Variants in ZFHX3 observed in about 807,000 individuals in gnomAD.
ZFHX3 encodes the protein zinc finger homeobox 3, also known as zinc finger homeobox protein 3.
Under a neutral mutation model 279.1 loss-of-function variants are expected in ZFHX3, and 42 were observed. The ratio of observed to expected loss-of-function variants is 0.15; its 90% confidence interval spans 0.12 to 0.19. The LOEUF is 0.19. ZFHX3 is among the 10% of genes least tolerant of loss of function. The probability of loss-of-function intolerance (pLI) is 1.00; values close to 1 mark genes in which losing one functional copy is unlikely to be tolerated. For missense variants in ZFHX3, 4,981 were observed against 4,754.0 expected, an observed-to-expected ratio of 1.05 and a Z score of -1.40; for synonymous variants, 2,293 against 1,957.8, an observed-to-expected ratio of 1.17 and a Z score of -4.52.
At chr16:73,175,381 A>AAAACAAACAAAC (rs111246395) in intron 5 of ZFHX3, among the ~76,000 whole-genome samples, 1 of 150,526 alleles carries the variant, frequency 6.6e-6, no homozygotes, top group African/African-American at 2.5e-5. Context: ...CTATGTCTCC[A>AAAACAAACAAAC]AAACAAACAA....
chr16:72,965,582 AGAATC>A lies in ZFHX3; in HGVS notation c.-49-5393_-49-5389del, dbSNP rs1416790605. On this transcript the variant is annotated intron_variant, in intron 1 of 9. Coordinates refer to ENST00000268489, the MANE Select transcript of ZFHX3 (RefSeq NM_006885.4). ...GTACTATGTGTCAGTCAGATGCTAC[AGAATC>A]CATGCTAAAAGGTCTCGGCTTACAT... is the stretch of plus-strand genomic sequence containing the variant. Among the ~76,000 whole-genome samples the A allele has an allele frequency of 2.6e-5, 4 of 152,352 alleles. No individual in the cohort carries two copies. In the East Asian group the frequency reaches 7.7e-4, roughly 29 times the overall value.
intron 1 of ZFHX3, among the ~76,000 whole-genome samples, chr16:72,982,963 T>C (rs1233129964): frequency 1.3e-5 from 2 of 152,088 alleles, no homozygotes; most frequent in African/African-American, 4.8e-5. Context: ...TTAGGACCAG[T>C]GGGGGTAACG....
intron 1 of ZFHX3, among the ~76,000 whole-genome samples, chr16:73,728,134 G>C (rs2053537721): frequency 6.7e-6 from 1 of 149,468 alleles, no homozygotes; most frequent in African/African-American, 2.5e-5. Flanking sequence ...AGGTCCTTAG[G>C]ATGGACTTAA....
chr16:73,242,118 A>G (rs1452546301), intron 5 of ZFHX3, among the ~76,000 whole-genome samples: 1 of 152,208 alleles, frequency 6.6e-6, no homozygotes, highest in Non-Finnish European at 1.5e-5. Flanking sequence ...GGGCATATTC[A>G]TGGAGATACG....
chr16:73,106,582 A>G (rs1250651875), intron 7 of ZFHX3, among the ~76,000 whole-genome samples: 2 of 152,162 alleles, frequency 1.3e-5, no homozygotes, highest in Non-Finnish European at 2.9e-5. Flanking sequence ...TGACATTTGC[A>G]GCTAGTTTCA....
At position 73,315,827 on chromosome 16, in the gene ZFHX3, C is replaced by A. The variant is rs975647073; in HGVS notation, c.-1194+2413G>T. Among the ~76,000 whole-genome samples the A allele has an allele frequency of 2.6e-5, 4 of 152,312 alleles. No homozygotes were observed. The South Asian group carries it at 8.3e-4, about 32-fold the overall frequency. ...AGGGTGTCATTGCCCACTCACTTCCCGTTTTCAGTTATGTGTAAGAGAAGC... is the reference window on the plus strand; with the variant it reads ...AGGGTGTCATTGCCCACTCACTTCCAGTTTTCAGTTATGTGTAAGAGAAGC... On this transcript the variant is annotated intron_variant, in intron 4 of 17. Transcript: ENST00000641206.
chr16:72,983,440 C>T (rs962963026), intron 1 of ZFHX3, among the ~76,000 whole-genome samples: 1 of 152,214 alleles, frequency 6.6e-6, no homozygotes, highest in African/African-American at 2.4e-5. Context: ...GGTGCGATGG[C>T]TCATGTCTGT....
chr16:73,619,369 T>C lies in ZFHX3; in HGVS notation c.-1547+60811A>G, dbSNP rs558433597. On this transcript the variant is annotated intron_variant, in intron 2 of 17. Coordinates refer to the ZFHX3 transcript ENST00000641206. ...CGGGCATGGTGGCGGGCACCTATAG[T>C]CCCAGCTACTCGGGAGGCTGAGGCA... 2.6e-3 allele frequency among the ~76,000 whole-genome samples: 387 copies of C among 151,746 alleles called. 3 individuals are homozygous for C. The highest frequency in any genetic ancestry group is 8.8e-3 in the African/African-American group (365 of 41,318).
At position 72,950,983 on chromosome 16, in the gene ZFHX3, A is replaced by G; in HGVS notation, c.2720-18T>C. 1 of 1,603,262 alleles carries G rather than the reference A, an allele frequency of 6.2e-7. No homozygotes were observed. The highest frequency in any genetic ancestry group is 8.5e-7 in the Non-Finnish European group (1 of 1,172,338). The stretch of plus-strand genomic sequence containing the variant: ...ACCGCCCACTGCAGGGAAGGAGAGA[A>G]GGAGAGAGTCAGACACCAGGCTCAT... On this transcript the variant is annotated intron_variant, in intron 2 of 9. Transcript: ENST00000268489.
intron 1 of ZFHX3, among the ~76,000 whole-genome samples, chr16:73,750,785 C>T (rs1477678448): frequency 1.3e-5 from 2 of 152,116 alleles, no homozygotes; most frequent in Non-Finnish European, 2.9e-5. Flanking sequence ...AGACTCGGAA[C>T]ATTGCAGGCA....
chr16:72,863,537 CAGAG>C (rs374148445), intron 4 of ZFHX3, among the ~76,000 whole-genome samples: 20 of 148,334 alleles, frequency 1.3e-4, no homozygotes, highest in African/African-American at 3.7e-4. Flanking sequence ...CAGAGACAGA[CAGAG>C]AGAGAGAGAG....
chr16:73,539,401 CTT>C (rs1567513502), intron 2 of ZFHX3, among the ~76,000 whole-genome samples: 1 of 93,802 alleles, frequency 1.1e-5, no homozygotes, highest in Non-Finnish European at 2.3e-5. Flanking sequence ...TGCTTCTTCT[CTT>C]TTTTTAAATT....
chr16:73,101,913 CTTTTT>C (rs34658877), intron 7 of ZFHX3, among the ~76,000 whole-genome samples: 4 of 116,542 alleles, frequency 3.4e-5, no homozygotes, highest in Non-Finnish European at 1.7e-5. Flanking sequence ...ATTCTCACCT[CTTTTT>C]TTTTTTTTTT....
At position 72,798,465 on chromosome 16, in the gene ZFHX3, C is replaced by T; in HGVS notation, c.4217G>A (p.Cys1406Tyr). The change falls in exon 9 of 10, where the codon TGT (cysteine) becomes TAT (tyrosine). Residue 1406 changes from cysteine to tyrosine, a missense_variant. Coordinates refer to ENST00000268489, the MANE Select transcript of ZFHX3 (RefSeq NM_006885.4). ...TTCAATGGTCTTGAAGGCCAGGCTA[C>T]ACTGATTACAGCGGTACTTGTACAC... ...RHVYKYRCNQCSLAFKTIEKL... is the reference protein window; with the variant it reads ...RHVYKYRCNQYSLAFKTIEKL... 1 of 1,614,232 alleles carries T rather than the reference C, an allele frequency of 6.2e-7. No individual in the cohort carries two copies.
chr16:73,026,243 C>T (rs1964495892), intron 1 of ZFHX3, among the ~76,000 whole-genome samples: 1 of 143,092 alleles, frequency 7.0e-6, no homozygotes, highest in Non-Finnish European at 1.5e-5. Flanking sequence ...GTGGCAGGCG[C>T]CTGTAATCCC....
At chr16:73,632,481 T>C (rs898346968) in intron 2 of ZFHX3, among the ~76,000 whole-genome samples, 6 of 147,604 alleles carry the variant, frequency 4.1e-5, no homozygotes, top group African/African-American at 1.5e-4. Context: ...AGTCAAGAGA[T>C]TGAGACTTAT....
chr16:73,440,523 A>G (rs1352225302), intron 3 of ZFHX3, among the ~76,000 whole-genome samples: 2 of 152,178 alleles, frequency 1.3e-5, no homozygotes, highest in Non-Finnish European at 2.9e-5. Context: ...AGAAGCTCCG[A>G]CTTTGTGTTA....
intron 3 of ZFHX3, among the ~76,000 whole-genome samples, chr16:73,427,243 G>T (rs185708147): frequency 6.6e-6 from 1 of 152,304 alleles, no homozygotes; most frequent in East Asian, 1.9e-4. Flanking sequence ...CTTATTTGTG[G>T]CTCTGTGTCT....
At chr16:73,709,787 G>A (rs1304813699) in intron 1 of ZFHX3, among the ~76,000 whole-genome samples, 3 of 151,922 alleles carry the variant, frequency 2.0e-5, no homozygotes, top group Non-Finnish European at 2.9e-5. Context: ...CACCCCACAC[G>A]AAAAAATGGT....
Sources: allele counts gnomAD v4.1 joint callset (sites outside exome capture counted in the v4.1 genomes callset), GRCh38; gene constraint gnomAD v4.1.1; transcripts MANE v1.5; gene names NCBI Gene and HGNC (gene_info 2026-07-23, HGNC 2026-07-21).